FREM3: variants seen among roughly 807,000 people sequenced by gnomAD.
The protein encoded by FREM3 is FRAS1 related extracellular matrix 3.
Under a neutral mutation model 129.1 loss-of-function variants are expected in FREM3, and 105 were observed. The observed-to-expected ratio is 0.81, with a 90% CI of 0.69 to 0.96. The LOEUF is 0.96. Among genes scored for constraint, FREM3 ranks in the 40% least tolerant of loss-of-function variants. The pLI is 0.00. For synonymous variants in FREM3, 1,014 were observed against 1,044.9 expected, an observed-to-expected ratio of 0.97 and a Z score of 0.57; for missense variants, 2,593 against 2,666.3, an observed-to-expected ratio of 0.97 and a Z score of 0.61.
intron 2 of FREM3, among the ~76,000 whole-genome samples, chr4:143,677,982 C>T (rs1434142533): frequency 2.6e-5 from 4 of 152,120 alleles, no homozygotes; most frequent in East Asian, 1.9e-4. Flanking sequence ...GTCAGTGTGG[C>T]GATTCCTCAG....
intron 2 of FREM3, among the ~76,000 whole-genome samples, chr4:143,687,979 T>C (rs997903206): frequency 2.0e-5 from 3 of 152,042 alleles, no homozygotes; most frequent in Non-Finnish European, 2.9e-5. Flanking sequence ...CTCTCACCAC[T>C]CCTCTTCAAC....
intron 5 of FREM3, among the ~76,000 whole-genome samples, chr4:143,616,913 C>G (rs896915410): frequency 6.6e-6 from 1 of 152,106 alleles, no homozygotes; most frequent in Admixed American, 6.5e-5. Context: ...TGGTTTACTA[C>G]GCAGTTCTTT....
intron 2 of FREM3, among the ~76,000 whole-genome samples, chr4:143,685,064 T>A (rs1740334460): frequency 1.3e-5 from 2 of 152,038 alleles, no homozygotes; most frequent in African/African-American, 4.8e-5. Flanking sequence ...AATCCAAAAA[T>A]TTAAAAAACA....
intron 2 of FREM3, among the ~76,000 whole-genome samples, chr4:143,648,480 T>C (rs1348540543): frequency 6.6e-6 from 1 of 152,194 alleles, no homozygotes; most frequent in Non-Finnish European, 1.5e-5. Context: ...TCCCCATGTG[T>C]CAAGGGCAGG....
At chr4:143,582,178 A>T (rs1252459831) in intron 7 of FREM3, among the ~76,000 whole-genome samples, 1 of 152,070 alleles carries the variant, frequency 6.6e-6, no homozygotes, top group Admixed American at 6.6e-5. Flanking sequence ...CTGGAGAGGG[A>T]GTGTAAAGCC....
intron 2 of FREM3, among the ~76,000 whole-genome samples, chr4:143,635,706 C>T (rs1739222329): frequency 1.3e-5 from 2 of 152,172 alleles, no homozygotes; most frequent in African/African-American, 4.8e-5. Context: ...AATGATAAAA[C>T]ATTTTAGATT....
chr4:143,655,374 GCATTA>G (rs1256234970), intron 2 of FREM3, among the ~76,000 whole-genome samples: 1 of 152,182 alleles, frequency 6.6e-6, no homozygotes, highest in African/African-American at 2.4e-5. Context: ...CAGGGAAATA[GCATTA>G]CCAAGCTCAA....
chr4:143,676,238 T>C (rs1275234945), intron 2 of FREM3, among the ~76,000 whole-genome samples: 3 of 152,052 alleles, frequency 2.0e-5, no homozygotes, highest in Non-Finnish European at 4.4e-5. Flanking sequence ...TGGTTCAACA[T>C]ATGCAAATCA....
intron 3 of FREM3, among the ~76,000 whole-genome samples, chr4:143,624,563 G>A (rs1739012460): frequency 6.6e-6 from 1 of 152,154 alleles, no homozygotes; most frequent in Non-Finnish European, 1.5e-5. Flanking sequence ...ACAGAAAGAA[G>A]AGAACAGAGA....
intron 6 of FREM3, among the ~76,000 whole-genome samples, chr4:143,590,477 C>G (rs1247768370): frequency 6.6e-6 from 1 of 152,182 alleles, no homozygotes; most frequent in Non-Finnish European, 1.5e-5. Flanking sequence ...AAGGCCTTTT[C>G]TGCATCTATT....
chr4:143,642,127 A>G (rs1739330481), intron 2 of FREM3, among the ~76,000 whole-genome samples: 1 of 152,242 alleles, frequency 6.6e-6, no homozygotes, highest in African/African-American at 2.4e-5. Flanking sequence ...TGAAAACTAT[A>G]AAACATTGTT....
At chr4:143,665,450 G>A (rs1223633013) in intron 2 of FREM3, among the ~76,000 whole-genome samples, 5 of 152,024 alleles carry the variant, frequency 3.3e-5, no homozygotes, top group Admixed American at 1.3e-4. Flanking sequence ...CATATAGGAG[G>A]TACTTAATAA....
chr4:143,610,707 T>C (rs941400573), intron 6 of FREM3, among the ~76,000 whole-genome samples: 1 of 152,184 alleles, frequency 6.6e-6, no homozygotes, highest in African/African-American at 2.4e-5. Flanking sequence ...AGGAAAGTCA[T>C]ACTGGGCTTG....
intron 2 of FREM3, among the ~76,000 whole-genome samples, chr4:143,648,301 G>A (rs1478181586): frequency 6.6e-6 from 1 of 152,202 alleles, no homozygotes; most frequent in Non-Finnish European, 1.5e-5. Flanking sequence ...TGTCTCAGAT[G>A]AGACTTTGGA....
Position 143,577,630 on chromosome 4 carries a change from G to T in FREM3, c.6401C>A (p.Ala2134Asp). 1 of 1,537,190 alleles carries T rather than the reference G, an allele frequency of 6.5e-7. No individual in the cohort carries two copies. The highest frequency in any genetic ancestry group is 1.7e-4 in the Middle Eastern group (1 of 5,992). Reference sequence around the variant, plus strand: ...AGTCTTTCAATCAAAGGAACTACAAGCACTCTGCTTACAGTCCGTGATGGT... The same window carrying T: ...AGTCTTTCAATCAAAGGAACTACAATCACTCTGCTTACAGTCCGTGATGGT... ...EDTITDCKQS[A>D]CSSFD The change falls in exon 8 of 8, where the codon GCT becomes GAT. Residue 2134 changes from alanine to aspartate, a missense_variant. Physicochemically the swap from Ala to Asp is moderately radical, Grantham distance 126 (BLOSUM62 -2). Around this residue, in one of 2 missense-constraint regions of FREM3, gnomAD observed 317 missense variants for 399.0 expected, o/e 0.79. Transcript: ENST00000329798.
In FREM3 at chr4:143,678,889, C is replaced by T. The variant is rs547836611; in HGVS notation, c.5275+14224G>A. Among the ~76,000 whole-genome samples, 29 of 149,896 alleles carry T rather than the reference C, an allele frequency of 1.9e-4. No individual in the cohort carries two copies. In the South Asian group the frequency reaches 5.4e-3, roughly 28 times the overall value. On this transcript the variant is annotated intron_variant, in intron 2 of 7. Transcript: ENST00000329798. ...TGAACTGTATTTCAAGTAATAAGAACATATTTTAAGTAGGTGCAAGTAAGG... is the reference window on the plus strand; with the variant it reads ...TGAACTGTATTTCAAGTAATAAGAATATATTTTAAGTAGGTGCAAGTAAGG...
At chr4:143,611,857 T>C (rs1738762723) in intron 5 of FREM3, among the ~76,000 whole-genome samples, 4 of 152,162 alleles carry the variant, frequency 2.6e-5, no homozygotes, top group Admixed American at 2.6e-4. Context: ...TGAGGTGTAG[T>C]AAAATTAGGA....
chr4:143,600,772 T>C (rs970770077), intron 6 of FREM3, among the ~76,000 whole-genome samples: 2 of 152,152 alleles, frequency 1.3e-5, no homozygotes, highest in African/African-American at 4.8e-5. Context: ...CAAATATGGC[T>C]GTATGTGATT....
intron 6 of FREM3, among the ~76,000 whole-genome samples, chr4:143,608,596 G>T (rs1003872847): frequency 6.6e-6 from 1 of 152,132 alleles, no homozygotes; most frequent in African/African-American, 2.4e-5. Flanking sequence ...CATTCTTCAT[G>T]TTTGCTTAAA....
Sources: gnomAD v4.1 joint callset for allele counts (sites outside exome capture counted in the v4.1 genomes callset) on GRCh38, gnomAD v4.1.1 for gene constraint, gnomAD v4.1.1 regional missense constraint, MANE v1.5 for transcripts, NCBI Gene and HGNC (gene_info 2026-07-23, HGNC 2026-07-21) for gene names.